GCN1: variants seen among roughly 807,000 people sequenced by gnomAD.
GCN1 encodes the protein GCN1 activator of EIF2AK4.
In GCN1, 90 loss-of-function variants were observed where a neutral mutation model predicts 288.4. That is an observed-to-expected ratio of 0.31 (90% CI 0.26 to 0.37). The LOEUF is 0.37. Among genes scored for constraint, GCN1 ranks in the 10% least tolerant of loss-of-function variants. GCN1 has a pLI of 1.00. For synonymous variants in GCN1, 1,386 were observed against 1,420.2 expected, an observed-to-expected ratio of 0.98 and a Z score of 0.54; for missense variants, 2,586 against 3,419.9, an observed-to-expected ratio of 0.76 and a Z score of 6.08.
At chr12:120,139,660 AC>A (rs1334385057) in intron 45 of GCN1, among the ~76,000 whole-genome samples, 1 of 151,896 alleles carries the variant, frequency 6.6e-6, no homozygotes, top group African/African-American at 2.4e-5. Context: ...GATGTGATGC[AC>A]CCCCATGTAT....
rs777820319 is a variant in GCN1, at chr12:120,142,488, C to A, written c.5829+19G>T. On this transcript the variant is annotated intron_variant, in intron 44 of 57. Transcript: ENST00000300648. This position sits in a 1 kb window ranked among gnomAD's most constrained non-coding sequence, Gnocchi z 4.9. ...AGGCACTGGGGCTGCTGGTCCAAAACAAGGCCCAGGAAACTCACCGTTCTC... is the reference window on the plus strand; with the variant it reads ...AGGCACTGGGGCTGCTGGTCCAAAAAAAGGCCCAGGAAACTCACCGTTCTC... 3.1e-6 allele frequency: 5 copies of A among 1,601,034 alleles called. No homozygotes were observed. In the Admixed American group the frequency reaches 8.3e-5, roughly 27 times the overall value.
intron 33 of GCN1, among the ~76,000 whole-genome samples, chr12:120,152,442 A>G (rs1387112756): frequency 7.5e-6 from 1 of 133,468 alleles, no homozygotes; most frequent in Non-Finnish European, 1.5e-5. Flanking sequence ...ATATATATTT[A>G]TATATATATA....
Position 120,142,046 on chromosome 12 carries a change from G to A in GCN1, c.5829+461C>T, listed in dbSNP as rs1877213096. On this transcript the variant is annotated intron_variant, in intron 44 of 57. Coordinates refer to ENST00000300648, the MANE Select transcript of GCN1 (RefSeq NM_006836.2). The surrounding 1 kb of genome is among the most constrained non-coding windows in gnomAD (Gnocchi z 4.9). ...GAGATGCTAATAAATATTTGCAGAG[G>A]CCAGGCGTGGTGGCTCAAGCCTGTA... 6.6e-6 allele frequency among the ~76,000 whole-genome samples: 1 copy of A among 152,200 alleles called. No individual in the cohort carries two copies. Among genetic ancestry groups the A allele is most frequent in the African/African-American group, 2.4e-5 (1 of 41,446 alleles).
intron 2 of GCN1, among the ~76,000 whole-genome samples, chr12:120,186,197 G>C (rs1220207932): frequency 6.6e-6 from 1 of 152,044 alleles, no homozygotes; most frequent in Non-Finnish European, 1.5e-5. Context: ...AAATTACCTG[G>C]GCATGGTGGC....
At chr12:120,135,823 G>C (rs985321684) in intron 51 of GCN1, among the ~76,000 whole-genome samples, 1 of 151,652 alleles carries the variant, frequency 6.6e-6, no homozygotes, top group African/African-American at 2.4e-5. Flanking sequence ...AGGAGTTCGA[G>C]ACCAGCCTGG....
At position 120,142,633 on chromosome 12, in the gene GCN1, C is replaced by G; in HGVS notation, c.5703G>C (p.Arg1901=). ...MGRSDTQLVV[R]QASLHVWKIV... ...TCTTCCAGACATGCAGGGACGCCTG[C>G]CGCACCACCAGCTGGGTGTCTGAGC... The change falls in exon 44 of 58, where the codon CGG becomes CGC. Residue 1901 remains arginine, a synonymous_variant. Coordinates refer to ENST00000300648, the MANE Select transcript of GCN1 (RefSeq NM_006836.2). This position sits in a 1 kb window ranked among gnomAD's most constrained non-coding sequence, Gnocchi z 4.9. 6.2e-7 allele frequency: 1 copy of G among 1,614,000 alleles called. No individual in the cohort carries two copies. The highest frequency in any genetic ancestry group is 8.5e-7 in the Non-Finnish European group (1 of 1,179,990).
In GCN1 at chr12:120,183,665, G is replaced by T; in HGVS notation, c.330C>A (p.Gly110=). 1 of 1,608,700 alleles carries T rather than the reference G, an allele frequency of 6.2e-7. No individual in the cohort carries two copies. Among genetic ancestry groups the T allele is most frequent in the Non-Finnish European group, 8.5e-7 (1 of 1,175,238 alleles). Residue 110 remains glycine (G), a synonymous_variant, in exon 5 of 58, where the codon GGC becomes GGA. Transcript: ENST00000300648. ...SKAGVPSKSS[G]SAALLALTWT... ...AGGTCAAGGCCAGCAAGGCGGCAGA[G>T]CCACTGCTCTTACTGCAGAGCAGAG...
intron 2 of GCN1, among the ~76,000 whole-genome samples, chr12:120,189,317 C>T (rs558206940): frequency 5.3e-5 from 8 of 151,098 alleles, no homozygotes; most frequent in East Asian, 3.9e-4. Flanking sequence ...GTGATCCACT[C>T]GCCTCGGCCT....
Position 120,153,720 on chromosome 12 carries a change from G to A in GCN1, c.3867+24C>T, listed in dbSNP as rs377028843. The A allele has an allele frequency of 6.8e-6, 11 of 1,609,806 alleles. No homozygotes were observed. The highest frequency in any genetic ancestry group is 1.7e-5 in the Admixed American group (1 of 59,882). ...GGGACCCCCTTACCTTCCCGTGGGTGTTCCCTGGCTGGGACCCCCTTACCT... is the reference window on the plus strand; with the variant it reads ...GGGACCCCCTTACCTTCCCGTGGGTATTCCCTGGCTGGGACCCCCTTACCT... On this transcript the variant is annotated intron_variant, in intron 32 of 57. Transcript: ENST00000300648. This position sits in a 1 kb window ranked among gnomAD's most constrained non-coding sequence, Gnocchi z 4.4.
chr12:120,194,137 G>A (rs904737756), intron 1 of GCN1, among the ~76,000 whole-genome samples: 10 of 152,204 alleles, frequency 6.6e-5, no homozygotes, highest in Non-Finnish European at 1.0e-4. Context: ...AACCTTTTAA[G>A]ATAAGTATTG....
At chr12:120,146,309 G>A (rs1239458905) in intron 38 of GCN1, among the ~76,000 whole-genome samples, 1 of 151,674 alleles carries the variant, frequency 6.6e-6, no homozygotes, top group African/African-American at 2.4e-5. Context: ...TTTCGTGGTG[G>A]GGAACTGTAG....
At position 120,183,624 on chromosome 12, in the gene GCN1, A is replaced by G. The variant is rs750459678; in HGVS notation, c.371T>C (p.Val124Ala). The change falls in exon 5 of 58, where the codon GTG (valine) becomes GCG (alanine). Residue 124 changes from valine to alanine, a missense_variant. Val to Ala is a moderately conservative substitution (Grantham distance 64, BLOSUM62 0). This residue lies in a region of GCN1 where 913 missense variants were observed against 1,107.0 expected (regional missense o/e 0.82). Coordinates refer to ENST00000300648, the MANE Select transcript of GCN1 (RefSeq NM_006836.2). ...GGCTCTCGATGGAAAGACAATGCGCACCAGGAGGCAGGTCCAGGTCAAGGC... is the reference window on the plus strand; with the variant it reads ...GGCTCTCGATGGAAAGACAATGCGCGCCAGGAGGCAGGTCCAGGTCAAGGC... ...LLALTWTCLL[V>A]RIVFPSRAKR... 7 of 1,613,830 alleles carry G rather than the reference A, an allele frequency of 4.3e-6. No individual in the cohort carries two copies. In the East Asian group the frequency reaches 1.1e-4, roughly 26 times the overall value.
intron 16 of GCN1, among the ~76,000 whole-genome samples, chr12:120,166,079 T>G (rs1878113083): frequency 2.1e-5 from 3 of 145,382 alleles, no homozygotes; most frequent in Non-Finnish European, 1.5e-5. Flanking sequence ...TGAGCCACCG[T>G]GTCCGGCCCC....
At chr12:120,169,349 T>C (rs1878243673) in intron 15 of GCN1, among the ~76,000 whole-genome samples, 1 of 140,962 alleles carries the variant, frequency 7.1e-6, no homozygotes, top group African/African-American at 2.6e-5. Flanking sequence ...CAAAAAATAA[T>C]GAGAAAGCTC....
At chr12:120,161,453 C>T (rs747414553) in intron 22 of GCN1, 37 bp downstream of exon 22, 1 of 1,424,458 alleles carries the variant, frequency 7.0e-7, no homozygotes, top group Non-Finnish European at 9.9e-7. Context: ...CCACCAAGCT[C>T]AGCAGCCACC....
At position 120,158,741 on chromosome 12, in the gene GCN1, G is replaced by A. The variant is rs535567990; in HGVS notation, c.2750-126C>T. 6.2e-5 allele frequency: 49 copies of A among 789,148 alleles called. 1 individual carries two copies. Among genetic ancestry groups the A allele is most frequent in the South Asian group, 4.4e-4 (24 of 54,080 alleles). 48.9% of individuals were successfully genotyped at this position (789,148 alleles called of 1,614,324 possible). ...AAAAAATATTTCTGCGGCTGGGCGC[G>A]GTGGCTGATGCCTGTAATCCCAGCA... On this transcript the variant is annotated intron_variant, in intron 24 of 57. Transcript: ENST00000300648. This position sits in a 1 kb window ranked among gnomAD's most constrained non-coding sequence, Gnocchi z 4.3.
chr12:120,173,583 C>A, intron 14 of GCN1, 70 bp downstream of exon 14: 3 of 875,250 alleles, frequency 3.4e-6, no homozygotes, highest in Non-Finnish European at 5.6e-6. Flanking sequence ...AGCGGGAACA[C>A]TAACAATACC....
chr12:120,163,225 C>G lies in GCN1; in HGVS notation c.1883G>C (p.Gly628Ala). The change falls in exon 19 of 58, where the codon GGA becomes GCA. Residue 628 changes from glycine to alanine, a missense_variant. Gly to Ala is a moderately conservative substitution (Grantham distance 60, BLOSUM62 0). Transcript: ENST00000300648. ...LPLEALVTDAGEVTEAGKAYV... is the reference protein window; with the variant it reads ...LPLEALVTDAAEVTEAGKAYV... Reference sequence around the variant, plus strand: ...GGCCTTGCCTGCCTCAGTCACCTCTCCAGCATCAGTCACCAAAGCCTCTAA... The same window carrying G: ...GGCCTTGCCTGCCTCAGTCACCTCTGCAGCATCAGTCACCAAAGCCTCTAA... The G allele has an allele frequency of 1.2e-6, 2 of 1,614,086 alleles. No homozygotes were observed. Among genetic ancestry groups the G allele is most frequent in the Non-Finnish European group, 1.7e-6 (2 of 1,179,968 alleles).
chr12:120,162,464 A>T (rs1280400003), intron 20 of GCN1, among the ~76,000 whole-genome samples: 1 of 152,192 alleles, frequency 6.6e-6, no homozygotes, highest in East Asian at 1.9e-4. Context: ...TTCCCCTAGG[A>T]GCTGATGGCA....
Sources: gnomAD v4.1 joint callset for allele counts (sites outside exome capture counted in the v4.1 genomes callset) on GRCh38, gnomAD v4.1.1 for gene constraint, gnomAD v4.1.1 regional missense constraint, Gnocchi (gnomAD v3.1) non-coding constraint, MANE v1.5 for transcripts, NCBI Gene and HGNC (gene_info 2026-07-23, HGNC 2026-07-21) for gene names.